Variants in UBE2H observed in about 807,000 individuals in gnomAD.
UBE2H encodes ubiquitin conjugating enzyme E2 H, also known as ubiquitin-conjugating enzyme E2 H.
A neutral mutation model predicts 29.0 loss-of-function variants in UBE2H; 3 were observed. The observed-to-expected ratio is 0.10, with a 90% CI of 0.05 to 0.27. The LOEUF (loss-of-function observed/expected upper bound fraction) is 0.27, where lower values mean the gene tolerates loss of function less well. Ranked by LOEUF, UBE2H falls within the 10% of genes least tolerant of loss-of-function variation. UBE2H has a pLI of 1.00. For synonymous variants in UBE2H, 69 were observed against 82.9 expected, an observed-to-expected ratio of 0.83 and a Z score of 0.91; for missense variants, 68 against 228.2, an observed-to-expected ratio of 0.30 and a Z score of 4.52.
intron 5 of UBE2H, among the ~76,000 whole-genome samples, chr7:129,847,288 C>T (rs1805529689): frequency 6.6e-6 from 1 of 152,226 alleles, no homozygotes; most frequent in Non-Finnish European, 1.5e-5. Context: ...GATCCATCCA[C>T]CTCAGACTCC....
chr7:129,935,423 A>C (rs1009391222), intron 1 of UBE2H, among the ~76,000 whole-genome samples: 1 of 151,844 alleles, frequency 6.6e-6, no homozygotes, highest in African/African-American at 2.4e-5. Flanking sequence ...AGAAAAAAAA[A>C]AAAAAAACAG....
At chr7:129,843,456 CT>C (rs1188515777) in intron 5 of UBE2H, among the ~76,000 whole-genome samples, 1 of 152,152 alleles carries the variant, frequency 6.6e-6, no homozygotes, top group Non-Finnish European at 1.5e-5. Flanking sequence ...GCACACAGAG[CT>C]TAAGTATGGA....
intron 5 of UBE2H, among the ~76,000 whole-genome samples, chr7:129,847,015 T>TATC (rs984614077): frequency 1.4e-5 from 2 of 144,620 alleles, no homozygotes; most frequent in Admixed American, 7.0e-5. Context: ...TAATTATTAT[T>TATC]ATTATTATTA....
chr7:129,937,429 G>A (rs1463180753), intron 1 of UBE2H, among the ~76,000 whole-genome samples: 1 of 152,126 alleles, frequency 6.6e-6, no homozygotes, highest in African/African-American at 2.4e-5. Context: ...ATATATCATG[G>A]TTTATATGTT....
chr7:129,861,950 A>G (rs1001937785), intron 3 of UBE2H, among the ~76,000 whole-genome samples: 1 of 152,244 alleles, frequency 6.6e-6, no homozygotes, highest in Non-Finnish European at 1.5e-5. Context: ...AGCATTAACT[A>G]GTGCTGAACT....
At chr7:129,859,039 A>G in intron 3 of UBE2H, 98 bp from the exon 4 acceptor site, 1 of 933,854 alleles carries the variant, frequency 1.1e-6, no homozygotes, top group South Asian at 1.4e-5. Flanking sequence ...AAAGGTGATA[A>G]TACTTATAAA....
At chr7:129,920,343 A>G (rs1807132390) in intron 1 of UBE2H, among the ~76,000 whole-genome samples, 2 of 152,170 alleles carry the variant, frequency 1.3e-5, no homozygotes, top group South Asian at 2.1e-4. Context: ...AGAAAAACAC[A>G]TATGTGCTCA....
chr7:129,930,311 G>A (rs1335867816), intron 1 of UBE2H, among the ~76,000 whole-genome samples: 8 of 152,004 alleles, frequency 5.3e-5, no homozygotes, highest in African/African-American at 7.2e-5. Flanking sequence ...ACAGGCATGC[G>A]CCACCATGAC....
intron 3 of UBE2H, among the ~76,000 whole-genome samples, chr7:129,878,409 C>T (rs376572226): frequency 4.4e-4 from 67 of 151,726 alleles, no homozygotes; most frequent in Non-Finnish European, 8.7e-4. Context: ...AGCAGCCAGG[C>T]GCAATGGCTC....
intron 1 of UBE2H, among the ~76,000 whole-genome samples, chr7:129,896,768 AC>A (rs1194552160): frequency 1.3e-5 from 2 of 152,176 alleles, no homozygotes; most frequent in Non-Finnish European, 2.9e-5. Flanking sequence ...CTGCAATGCC[AC>A]TCAATGAAGA....
chr7:129,944,716 AC>A lies in UBE2H; in HGVS notation c.53+7786del, dbSNP rs1807721115. Among the ~76,000 whole-genome samples the A allele has an allele frequency of 7.6e-3, 76 of 10,036 alleles. 1 individual carries two copies. Among genetic ancestry groups the A allele is most frequent in the East Asian group, 0.02 (1 of 50 alleles). 6.6% of individuals were successfully genotyped at this position (10,036 alleles called of 152,430 possible). On this transcript the variant is annotated intron_variant, in intron 1 of 6. Coordinates refer to ENST00000355621, the MANE Select transcript of UBE2H (RefSeq NM_003344.4). ...ACACACACGTGCGCATGCGCTCAAA[AC>A]ACACACACACACACACACACACACA...
intron 5 of UBE2H, among the ~76,000 whole-genome samples, chr7:129,856,255 G>T (rs150234367): frequency 7.0e-4 from 107 of 152,254 alleles, no homozygotes; most frequent in African/African-American, 2.5e-3. Flanking sequence ...CTAAAAGGTC[G>T]TACAAGTTCA....
At chr7:129,867,699 TAAAA>T (rs59742626) in intron 3 of UBE2H, among the ~76,000 whole-genome samples, 1 of 29,638 alleles carries the variant, frequency 3.4e-5, no homozygotes, top group East Asian at 1.1e-3. Flanking sequence ...TAGAGTATAA[TAAAA>T]AAAAAAAAAA....
chr7:129,929,804 G>A (rs762897892), intron 1 of UBE2H, among the ~76,000 whole-genome samples: 3 of 152,268 alleles, frequency 2.0e-5, no homozygotes, highest in African/African-American at 7.2e-5. Flanking sequence ...GAGGTCAGGC[G>A]TTCGAGACCA....
At chr7:129,916,768 G>T (rs1435412370) in intron 1 of UBE2H, among the ~76,000 whole-genome samples, 1 of 152,172 alleles carries the variant, frequency 6.6e-6, no homozygotes, top group Non-Finnish European at 1.5e-5. Flanking sequence ...GCTGGGAGCG[G>T]TGGCTCACAC....
chr7:129,883,267 T>C (rs936291867), intron 1 of UBE2H, among the ~76,000 whole-genome samples: 1 of 152,222 alleles, frequency 6.6e-6, no homozygotes, highest in Non-Finnish European at 1.5e-5. Context: ...GTTATTTTTT[T>C]AAAAATAGAC....
At chr7:129,867,114 CTG>C (rs1478531108) in intron 3 of UBE2H, among the ~76,000 whole-genome samples, 1 of 150,712 alleles carries the variant, frequency 6.6e-6, no homozygotes, top group African/African-American at 2.5e-5. Flanking sequence ...TCCCATAACT[CTG>C]TCACACTAGA....
chr7:129,839,176 T>G (rs1805382089), intron 6 of UBE2H, 31 bp downstream of exon 6: 1 of 1,599,974 alleles, frequency 6.3e-7, no homozygotes, highest in Non-Finnish European at 8.5e-7. Context: ...TAAGTTCTTT[T>G]GTCTCCAGGT....
intron 1 of UBE2H, among the ~76,000 whole-genome samples, chr7:129,900,849 C>T (rs1361819639): frequency 6.6e-6 from 1 of 150,852 alleles, no homozygotes; most frequent in Non-Finnish European, 1.5e-5. Context: ...CTCCCAGGTT[C>T]ACACCATTCT....
Sources: gnomAD v4.1 joint callset for allele counts (sites outside exome capture counted in the v4.1 genomes callset) on GRCh38, gnomAD v4.1.1 for gene constraint, MANE v1.5 for transcripts, NCBI Gene and HGNC (gene_info 2026-07-23, HGNC 2026-07-21) for gene names.